LRP5: variants seen among roughly 807,000 people sequenced by gnomAD.
The protein encoded by LRP5 is LDL receptor related protein 5.
Under a neutral mutation model 154.1 loss-of-function variants are expected in LRP5, and 62 were observed. The ratio of observed to expected loss-of-function variants is 0.40; its 90% CI spans 0.33 to 0.50. The LOEUF (loss-of-function observed/expected upper bound fraction) is 0.50, where lower values mean the gene tolerates loss of function less well. LRP5 is among the 20% of genes least tolerant of loss of function. The pLI, the probability that LRP5 is intolerant of heterozygous loss-of-function variation, is 0.55. For synonymous variants in LRP5, 966 were observed against 1,011.5 expected (o/e 0.96, Z 0.85); for missense variants, 1,915 against 2,336.7 (o/e 0.82, Z 3.72).
chr11:68,427,612 G>A (rs573850418), intron 16 of LRP5, among the ~76,000 whole-genome samples: 7 of 152,082 alleles, frequency 4.6e-5, no homozygotes, highest in African/African-American at 1.7e-4. Flanking sequence ...CCTGGGAGGC[G>A]GAAGTTGCAG....
chr11:68,413,708 T>A lies in LRP5; in HGVS notation c.2523T>A (p.Ile841=). ...ATGCAGGTCAGGAGCGGGTCGTGAT[T>A]GCCGACGATCTCCCGCACCCGTTCG... The part of the protein sequence containing the change: ...SNMLGQERVV[I]ADDLPHPFGL... Residue 841 remains isoleucine (I), a synonymous_variant, in exon 12 of 23, where the codon ATT becomes ATA. Transcript: ENST00000294304. The surrounding 1 kb of genome is among the most constrained non-coding windows in gnomAD (Gnocchi z 5.1). 1 of 1,613,848 alleles carries A rather than the reference T, an allele frequency of 6.2e-7. No homozygotes were observed. Among genetic ancestry groups the A allele is most frequent in the South Asian group, 1.1e-5 (1 of 91,092 alleles).
rs376914943 is a variant in LRP5, at chr11:68,423,681, G to A, written c.3220G>A (p.Val1074Ile). The A allele has an allele frequency of 1.4e-5, 22 of 1,612,226 alleles. No individual in the cohort carries two copies. The highest frequency in any genetic ancestry group is 1.1e-4 in the African/African-American group (8 of 74,930). The change falls in exon 14 of 23, where the codon GTC (valine) becomes ATC (isoleucine). Residue 1074 changes from valine to isoleucine, a missense_variant. Transcript: ENST00000294304. The surrounding 1 kb of genome is among the most constrained non-coding windows in gnomAD (Gnocchi z 4.7). ...GDRDKPRAIV[V>I]NAERGYLYFT... Reference sequence around the variant, plus strand: ...CCGCGACAAGCCCAGGGCCATCGTCGTCAACGCGGAGCGAGGGTAGGAGGC... The same window carrying A: ...CCGCGACAAGCCCAGGGCCATCGTCATCAACGCGGAGCGAGGGTAGGAGGC...
rs552521902 is a variant in LRP5, at chr11:68,353,761, G to A, written c.489-3889G>A. ...GGGTTCCTGCCCCGGCCATCATCAG[G>A]AAGGGGGTCTCTGGGTCCGAGCGTC... On this transcript the variant is annotated intron_variant, in intron 2 of 22. Coordinates refer to ENST00000294304, the MANE Select transcript of LRP5 (RefSeq NM_002335.4). This position sits in a 1 kb window ranked among gnomAD's most constrained non-coding sequence, Gnocchi z 4.5. Among the ~76,000 whole-genome samples, 1 of 152,346 alleles carries A rather than the reference G, an allele frequency of 6.6e-6. No homozygotes were observed. The highest frequency in any genetic ancestry group is 2.4e-5 in the African/African-American group (1 of 41,578).
At chr11:68,438,221 C>T (rs2098676079) in intron 19 of LRP5, among the ~76,000 whole-genome samples, 1 of 152,118 alleles carries the variant, frequency 6.6e-6, no homozygotes, top group Non-Finnish European at 1.5e-5. Context: ...AGTCGGACAG[C>T]GGCGGGGGTC....
At chr11:68,372,332 G>T (rs113763456) in intron 5 of LRP5, among the ~76,000 whole-genome samples, 76 of 128,752 alleles carry the variant, frequency 5.9e-4, no homozygotes, top group Non-Finnish European at 1.2e-3. Context: ...AGGCAGACCC[G>T]GGACTGTGGT....
chr11:68,314,383 A>G (rs1351571936), intron 1 of LRP5, among the ~76,000 whole-genome samples: 1 of 152,200 alleles, frequency 6.6e-6, no homozygotes, highest in Non-Finnish European at 1.5e-5. Context: ...TTATTTTAAC[A>G]TTAGGCAGCA....
chr11:68,402,974 G>A (rs1189340635), intron 7 of LRP5, among the ~76,000 whole-genome samples: 1 of 152,180 alleles, frequency 6.6e-6, no homozygotes, highest in African/African-American at 2.4e-5. Flanking sequence ...GGCCGGGCGC[G>A]GTGGCTCACG....
chr11:68,335,784 G>A (rs2098605375), intron 1 of LRP5, among the ~76,000 whole-genome samples: 1 of 152,172 alleles, frequency 6.6e-6, no homozygotes, highest in Admixed American at 6.5e-5. Context: ...GGAAAGCATG[G>A]CACTAGCTAG....
intron 12 of LRP5, among the ~76,000 whole-genome samples, chr11:68,414,573 G>T (rs1402168370): frequency 6.6e-6 from 1 of 152,184 alleles, no homozygotes; most frequent in Non-Finnish European, 1.5e-5. Flanking sequence ...GGGCCTCTTT[G>T]TTCTCATGTC....
the LRP5 span, among the ~76,000 whole-genome samples, chr11:68,299,531 G>A: frequency 2.6e-5 from 4 of 151,368 alleles, no homozygotes; most frequent in East Asian, 1.9e-4. Context: ...CAGTGTAGAC[G>A]GGGGTGTAGA....
In LRP5 at chr11:68,413,308, G is replaced by A. The variant is rs1022379332; in HGVS notation, c.2504-381G>A. ...CAGCCTGGCCGTCACTCCTCGGTAC[G>A]TGTTTTGGACTTAAACGCTCCGGAT... On this transcript the variant is annotated intron_variant, in intron 11 of 22. Transcript: ENST00000294304. The surrounding 1 kb of genome is among the most constrained non-coding windows in gnomAD (Gnocchi z 5.1). The A allele has an allele frequency of 1.3e-5, 5 of 379,720 alleles. No homozygotes were observed. The highest frequency in any genetic ancestry group is 7.8e-4 in the Middle Eastern group (1 of 1,282). 23.5% of individuals were successfully genotyped at this position (379,720 alleles called of 1,614,324 possible). A position where few individuals can be genotyped will look rare whatever the true frequency, so the allele number is the denominator to read the frequency against.
chr11:68,347,472 C>A (rs961431290), intron 1 of LRP5, among the ~76,000 whole-genome samples: 1 of 152,206 alleles, frequency 6.6e-6, no homozygotes, highest in Non-Finnish European at 1.5e-5. Flanking sequence ...GTCAGGCCAA[C>A]AAAGGGGATG....
At chr11:68,411,747 C>A in intron 11 of LRP5, 127 bp downstream of exon 11, 2 of 950,446 alleles carry the variant, frequency 2.1e-6, no homozygotes, top group Non-Finnish European at 3.1e-6. Flanking sequence ...TGTGGCCACA[C>A]CCACGACTGC....
In LRP5 at chr11:68,433,690, C is replaced by T. The variant is rs144115017; in HGVS notation, c.3852C>T (p.Pro1284=). 2.5e-5 allele frequency: 40 copies of T among 1,613,292 alleles called. No homozygotes were observed. The highest frequency in any genetic ancestry group is 1.6e-4 in the Middle Eastern group (1 of 6,062). The change falls in exon 18 of 23, where the codon CCC becomes CCT. Residue 1284 remains proline (P), a synonymous_variant. Transcript: ENST00000294304. ...GGGCCTGGCGCTGTGACGGCTTTCC[C>T]GAGTGCGATGACCAGAGCGACGAGG... ...IPGAWRCDGF[P]ECDDQSDEEG...
chr11:68,303,980 G>A, the LRP5 span, among the ~76,000 whole-genome samples: 8 of 152,228 alleles, frequency 5.3e-5, no homozygotes, highest in Admixed American at 5.2e-4. Flanking sequence ...TTCAGGAGAG[G>A]AGTTCAAGCC....
chr11:68,312,637 A>C lies in LRP5; in HGVS notation c.-78A>C. ...CGAGGGGGGAGGCGGAGGCGCCGGG[A>C]GCCGCGCGAGGAGCCGCCGCCGCCG... On this transcript the variant is annotated 5_prime_UTR_variant, in exon 1 of 23. Coordinates refer to ENST00000294304, the MANE Select transcript of LRP5 (RefSeq NM_002335.4). The C allele has an allele frequency of 3.3e-6, 2 of 614,570 alleles. No individual in the cohort carries two copies. Among genetic ancestry groups the C allele is most frequent in the Non-Finnish European group, 4.1e-6 (2 of 492,268 alleles). The allele number at this position is 614,570 out of a possible 1,614,324, so 38.1% of individuals were successfully genotyped here.
chr11:68,430,069 C>G (rs2098671063), intron 17 of LRP5, among the ~76,000 whole-genome samples: 1 of 152,136 alleles, frequency 6.6e-6, no homozygotes, highest in Non-Finnish European at 1.5e-5. Flanking sequence ...TAATTTAATT[C>G]TACTGTAGTC....
At chr11:68,308,664 G>A (rs2098585458), upstream of LRP5, among the ~76,000 whole-genome samples, 1 of 152,118 alleles carries the variant, frequency 6.6e-6, no homozygotes, top group African/African-American at 2.4e-5. Context: ...GCAAATGAAT[G>A]TTCTCAAGGC....
At chr11:68,406,909 T>G in intron 9 of LRP5, 96 bp downstream of exon 9, 1 of 1,224,404 alleles carries the variant, frequency 8.2e-7, no homozygotes, top group Non-Finnish European at 1.2e-6. Context: ...CTTAAAGCAC[T>G]ATCGTATTTA....
Sources: allele counts gnomAD v4.1 joint callset (sites outside exome capture counted in the v4.1 genomes callset), GRCh38; gene constraint gnomAD v4.1.1; non-coding constraint Gnocchi (gnomAD v3.1); transcripts MANE v1.5; gene names NCBI Gene and HGNC (gene_info 2026-07-23, HGNC 2026-07-21).